Variants in PPFIA2 observed in about 807,000 individuals in gnomAD.
PPFIA2 encodes the protein PPFI scaffold protein A2.
Under a neutral mutation model 175.5 loss-of-function variants are expected in PPFIA2, and 46 were observed. The observed-to-expected ratio is 0.26, with a 90% CI of 0.21 to 0.34. The LOEUF (loss-of-function observed/expected upper bound fraction) is 0.34, where lower values mean the gene tolerates loss of function less well. Ranked by LOEUF, PPFIA2 falls within the 10% of genes least tolerant of loss-of-function variation. The pLI, the probability that PPFIA2 is intolerant of heterozygous loss-of-function variation, is 1.00. For missense variants in PPFIA2, 1,179 were observed against 1,506.1 expected (o/e 0.78, Z 3.60); for synonymous variants, 568 against 511.4 (o/e 1.11, Z -1.49).
chr12:81,375,701 A>T, intron 10 of PPFIA2, 95 bp downstream of exon 10: 1 of 1,247,490 alleles, frequency 8.0e-7, no homozygotes, highest in Non-Finnish European at 1.1e-6. Flanking sequence ...GATTACTCAA[A>T]CATCTGTCAA....
At chr12:81,372,179 A>G (rs527401796) in intron 11 of PPFIA2, among the ~76,000 whole-genome samples, 69 of 151,918 alleles carry the variant, frequency 4.5e-4, no homozygotes, top group African/African-American at 1.7e-3. Flanking sequence ...AATATGATAT[A>G]GGAAAATTTA....
chr12:81,645,076 C>A (rs918680625), intron 4 of PPFIA2, among the ~76,000 whole-genome samples: 10 of 151,652 alleles, frequency 6.6e-5, no homozygotes, highest in Non-Finnish European at 1.3e-4. Flanking sequence ...TATATTTAAA[C>A]CTTCTAATAT....
intron 4 of PPFIA2, among the ~76,000 whole-genome samples, chr12:81,463,395 G>A (rs1488236356): frequency 1.3e-5 from 2 of 151,950 alleles, no homozygotes; most frequent in South Asian, 2.1e-4. Context: ...TAGGTCAGTC[G>A]CCAACTACTA....
In PPFIA2 at chr12:81,259,519, T is replaced by G. The variant is rs889555523; in HGVS notation, c.*175A>C. 45 of 941,884 alleles carry G rather than the reference T, an allele frequency of 4.8e-5. No homozygotes were observed. The highest frequency in any genetic ancestry group is 6.9e-5 in the Non-Finnish European group (43 of 620,514). The allele number at this position is 941,884 out of a possible 1,614,324, so 58.3% of individuals were successfully genotyped here. A position where few individuals can be genotyped will look rare whatever the true frequency, so the allele number is the denominator to read the frequency against. On this transcript the variant is annotated 3_prime_UTR_variant, in exon 33 of 33. Transcript: ENST00000549396. ...AAACTAATCAAATGTAATATCTGAC[T>G]CCCCCCAAAAATCACATTTTTCAGC... is the stretch of plus-strand genomic sequence containing the variant.
At chr12:81,557,694 C>A (rs765234789) in intron 4 of PPFIA2, among the ~76,000 whole-genome samples, 49 of 152,010 alleles carry the variant, frequency 3.2e-4, no homozygotes, top group Admixed American at 2.6e-4. Context: ...TTTCCTTTCT[C>A]TATAATTTAA....
At chr12:81,486,179 A>G (rs1345499109) in intron 4 of PPFIA2, among the ~76,000 whole-genome samples, 1 of 151,862 alleles carries the variant, frequency 6.6e-6, no homozygotes, top group African/African-American at 2.4e-5. Flanking sequence ...ATAAACAATA[A>G]CCATATGGTG....
At chr12:81,505,272 A>T (rs1018435834) in intron 4 of PPFIA2, among the ~76,000 whole-genome samples, 5 of 120,238 alleles carry the variant, frequency 4.2e-5, no homozygotes, top group Non-Finnish European at 9.2e-5. Context: ...AAGTATAATT[A>T]AAAAAAAAAA....
intron 17 of PPFIA2, among the ~76,000 whole-genome samples, chr12:81,347,980 T>C (rs1164599805): frequency 6.6e-6 from 1 of 152,086 alleles, no homozygotes. Flanking sequence ...GTTTAGAAAA[T>C]TGTTTTCAAA....
intron 4 of PPFIA2, among the ~76,000 whole-genome samples, chr12:81,459,545 T>C (rs2054164946): frequency 6.6e-6 from 1 of 152,138 alleles, no homozygotes; most frequent in South Asian, 2.1e-4. Context: ...TGAATTTTGG[T>C]TTTTGGCTTC....
intron 4 of PPFIA2, chr12:81,512,455 C>T: frequency 4.1e-6 from 3 of 728,132 alleles, no homozygotes. Context: ...TCTAATCTTC[C>T]TTTAAAGTTA....
chr12:81,682,725 T>A lies in PPFIA2; in HGVS notation c.250-5881A>T, dbSNP rs891441726. On this transcript the variant is annotated intron_variant, in intron 3 of 32. Transcript: ENST00000549396. Reference sequence around the variant, plus strand: ...TTCTCTCATCTCCTTTATAGAAAAATTTCTCAAAATTCCCCTCTCCCACTA... The same window carrying A: ...TTCTCTCATCTCCTTTATAGAAAAAATTCTCAAAATTCCCCTCTCCCACTA... 3.3e-5 allele frequency among the ~76,000 whole-genome samples: 5 copies of A among 151,908 alleles called. No individual in the cohort carries two copies. In the South Asian group the frequency reaches 6.2e-4, roughly 19 times the overall value.
intron 4 of PPFIA2, among the ~76,000 whole-genome samples, chr12:81,601,239 G>T (rs1453935232): frequency 6.6e-6 from 1 of 151,832 alleles, no homozygotes; most frequent in African/African-American, 2.4e-5. Flanking sequence ...AATTGCCAAA[G>T]TATACAATTT....
intron 21 of PPFIA2, among the ~76,000 whole-genome samples, chr12:81,332,812 T>C (rs1484598115): frequency 6.6e-6 from 1 of 152,212 alleles, no homozygotes; most frequent in Admixed American, 6.5e-5. Flanking sequence ...TCTTACTAAG[T>C]AGCTGCTCTG....
At chr12:81,663,184 G>C (rs1331454085) in intron 4 of PPFIA2, among the ~76,000 whole-genome samples, 1 of 152,176 alleles carries the variant, frequency 6.6e-6, no homozygotes, top group Non-Finnish European at 1.5e-5. Context: ...GGAAGTTCTG[G>C]CCAGGGCAAT....
intron 4 of PPFIA2, among the ~76,000 whole-genome samples, chr12:81,579,552 C>T (rs1170132686): frequency 6.6e-6 from 1 of 151,720 alleles, no homozygotes; most frequent in African/African-American, 2.4e-5. Context: ...AGGGCTGTTC[C>T]ACAATTTAAT....
At position 81,677,966 on chromosome 12, in the gene PPFIA2, C is replaced by T. The variant is rs1038619814; in HGVS notation, c.250-1122G>A. 2.6e-5 allele frequency among the ~76,000 whole-genome samples: 4 copies of T among 151,774 alleles called. No individual in the cohort carries two copies. The East Asian group carries it at 7.8e-4, about 30-fold the overall frequency. On this transcript the variant is annotated intron_variant, in intron 3 of 32. Transcript: ENST00000549396. ...TTCTAGGTTTTAAAGTAAAATCACC[C>T]AGGTTTTTAGTGTTTGCAACTGATT...
intron 3 of PPFIA2, among the ~76,000 whole-genome samples, chr12:81,716,892 A>G (rs941810045): frequency 2.0e-5 from 3 of 151,684 alleles, no homozygotes; most frequent in Non-Finnish European, 4.4e-5. Flanking sequence ...TGGTAACCAG[A>G]AAAAAGGAAG....
At chr12:81,628,120 C>G in intron 4 of PPFIA2, among the ~76,000 whole-genome samples, 1 of 152,190 alleles carries the variant, frequency 6.6e-6, no homozygotes, top group African/African-American at 2.4e-5. Flanking sequence ...CAATGTTATA[C>G]TTCATATAAT....
chr12:81,384,361 G>A (rs1319038313), intron 8 of PPFIA2, 117 bp from the exon 9 acceptor site: 5 of 795,002 alleles, frequency 6.3e-6, no homozygotes, highest in Non-Finnish European at 9.5e-6. Flanking sequence ...AAGAAATTCT[G>A]AAAAGAACTA....
Sources: allele counts gnomAD v4.1 joint callset (sites outside exome capture counted in the v4.1 genomes callset), GRCh38; gene constraint gnomAD v4.1.1; transcripts MANE v1.5; gene names NCBI Gene and HGNC (gene_info 2026-07-23, HGNC 2026-07-21).